Variants in SUN2 observed in about 807,000 individuals in gnomAD.
SUN2 encodes SUN domain-containing protein 2.
A neutral mutation model predicts 100.0 loss-of-function variants in SUN2; 60 were observed. The ratio of observed to expected loss-of-function variants is 0.60; its 90% CI spans 0.49 to 0.74. SUN2 has a LOEUF of 0.74. SUN2 is among the 30% of genes least tolerant of loss of function. SUN2 has a pLI of 0.00. For missense variants in SUN2, 834 were observed against 954.6 expected (o/e 0.87, Z 1.66); for synonymous variants, 367 against 403.3 (o/e 0.91, Z 1.08).
At chr22:38,753,468 G>A (rs1279198077) in intron 1 of SUN2, among the ~76,000 whole-genome samples, 1 of 151,860 alleles carries the variant, frequency 6.6e-6, no homozygotes, top group Admixed American at 6.6e-5. Context: ...TGTCCACCTC[G>A]GCTTCCCAAA....
chr22:38,735,124 A>C lies in SUN2; in HGVS notation c.*1143T>G. 2.5e-6 allele frequency: 1 copy of C among 405,136 alleles called. No individual in the cohort carries two copies. Among genetic ancestry groups the C allele is most frequent in the Non-Finnish European group, 4.8e-6 (1 of 207,444 alleles). The allele number at this position is 405,136 out of a possible 1,614,324, so 25.1% of individuals were successfully genotyped here. On this transcript the variant is annotated 3_prime_UTR_variant, in exon 18 of 18. Coordinates refer to ENST00000689035, the MANE Select transcript of SUN2 (RefSeq NM_015374.3). ...ACCTTGAAAAATATATACATAATAC[A>C]GTGGGGCCTGCTGGCTCTAAAAGTC...
At position 38,737,314 on chromosome 22, in the gene SUN2, G is replaced by A. The variant is rs73157182; in HGVS notation, c.2040+859C>T. ...CCCCTGCTCCACATCAGCCCCCATC[G>A]CAGTGGCTTCTTCCTCCCACCCCAT... is the stretch of plus-strand genomic sequence containing the variant. On this transcript the variant is annotated intron_variant, in intron 17 of 17. Coordinates refer to ENST00000689035, the MANE Select transcript of SUN2 (RefSeq NM_015374.3). The surrounding 1 kb of genome is among the most constrained non-coding windows in gnomAD (Gnocchi z 4.1). Among the ~76,000 whole-genome samples, 2,373 of 151,666 alleles carry A rather than the reference G, an allele frequency of 0.016. 29 individuals are homozygous for A. The highest frequency in any genetic ancestry group is 0.027 in the Non-Finnish European group (1,806 of 67,908).
intron 8 of SUN2, 54 bp from the exon 9 acceptor site, chr22:38,742,609 T>C: frequency 6.4e-7 from 1 of 1,557,362 alleles, no homozygotes; most frequent in Non-Finnish European, 8.7e-7. Flanking sequence ...TGATAGTGCT[T>C]CCCAAAGACC....
At position 38,750,907 on chromosome 22, in the gene SUN2, C is replaced by T. The variant is rs764864329; in HGVS notation, c.415G>A (p.Asp139Asn). ...GSSSGYSSEDDYVGYSDVDQQ... is the reference protein window; with the variant it reads ...GSSSGYSSEDNYVGYSDVDQQ... ...AGGAAGCATCGCCTACCCACGTAGT[C>T]GTCCTCAGAGGAGTAGCCCGAGGAA... The change falls in exon 4 of 18, where the codon GAC becomes AAC. Residue 139 changes from aspartate to asparagine, a missense_variant. Physicochemically the swap from Asp to Asn is conservative, Grantham distance 23 (BLOSUM62 1). Transcript: ENST00000689035. The T allele has an allele frequency of 3.1e-6, 5 of 1,613,928 alleles. No homozygotes were observed. In the South Asian group the frequency reaches 3.3e-5, roughly 11 times the overall value.
chr22:38,751,423 G>A, intron 2 of SUN2, 50 bp from the exon 3 acceptor site: 1 of 1,599,676 alleles, frequency 6.3e-7, no homozygotes, highest in Non-Finnish European at 8.5e-7. Flanking sequence ...GGTGAGCCCA[G>A]CCAGGAGCAT....
Position 38,739,554 on chromosome 22 carries a change from G to T in SUN2, c.1579-128C>A. On this transcript the variant is annotated intron_variant, in intron 13 of 17. Coordinates refer to ENST00000689035, the MANE Select transcript of SUN2 (RefSeq NM_015374.3). The surrounding 1 kb of genome is among the most constrained non-coding windows in gnomAD (Gnocchi z 6.7). ...CTTGCACTGTGCTGGTGCCCAGGCAGATGTGGGCACACTGCCACCCACCCA... is the reference window on the plus strand; with the variant it reads ...CTTGCACTGTGCTGGTGCCCAGGCATATGTGGGCACACTGCCACCCACCCA... The T allele has an allele frequency of 6.8e-6, 9 of 1,314,158 alleles. No homozygotes were observed. The highest frequency in any genetic ancestry group is 9.6e-6 in the Non-Finnish European group (9 of 933,374). The allele number at this position is 1,314,158 out of a possible 1,614,324, so 81.4% of individuals were successfully genotyped here.
At chr22:38,742,257 A>G (rs770080478) in intron 9 of SUN2, 44 bp downstream of exon 9, 6 of 1,546,078 alleles carry the variant, frequency 3.9e-6, no homozygotes, top group South Asian at 2.4e-5. Flanking sequence ...ACGCTTTCCT[A>G]TGGGTGTCAC....
intron 7 of SUN2, among the ~76,000 whole-genome samples, chr22:38,746,481 C>G (rs1269413246): frequency 6.6e-6 from 1 of 152,164 alleles, no homozygotes; most frequent in Non-Finnish European, 1.5e-5. Flanking sequence ...TGATAAAGCT[C>G]CATTCGCTAC....
chr22:38,755,168 T>C lies in SUN2; in HGVS notation c.-38+595A>G. The C allele has an allele frequency of 1.8e-6, 2 of 1,109,484 alleles. No individual in the cohort carries two copies. The highest frequency in any genetic ancestry group is 1.6e-5 in the South Asian group (1 of 62,304). 68.7% of individuals were successfully genotyped at this position (1,109,484 alleles called of 1,614,324 possible). A position where few individuals can be genotyped will look rare whatever the true frequency, so the allele number is the denominator to read the frequency against. ...TTAAACCAGATCTGGGGCATCTTCCTCGTGACATTTCCACTCCCTGGGCAC... is the reference window on the plus strand; with the variant it reads ...TTAAACCAGATCTGGGGCATCTTCCCCGTGACATTTCCACTCCCTGGGCAC... On this transcript the variant is annotated intron_variant, in intron 1 of 17. Transcript: ENST00000689035. This position sits in a 1 kb window ranked among gnomAD's most constrained non-coding sequence, Gnocchi z 5.7.
At position 38,738,360 on chromosome 22, in the gene SUN2, CA is replaced by C; in HGVS notation, c.1948-96del. 1 of 1,217,528 alleles carries C rather than the reference CA, an allele frequency of 8.2e-7. No individual in the cohort carries two copies. The highest frequency in any genetic ancestry group is 1.5e-5 in the African/African-American group (1 of 66,552). The allele number at this position is 1,217,528 out of a possible 1,614,324, so 75.4% of individuals were successfully genotyped here. A position where few individuals can be genotyped will look rare whatever the true frequency, so the allele number is the denominator to read the frequency against. On this transcript the variant is annotated intron_variant, in intron 16 of 17. Transcript: ENST00000689035. The surrounding 1 kb of genome is among the most constrained non-coding windows in gnomAD (Gnocchi z 6.6). ...TGCTCCTCCCACCCAGCAGGTCAGG[CA>C]CCAGAGTGGCCTATGACAAGTCACT... is the stretch of plus-strand genomic sequence containing the variant.
intron 6 of SUN2, among the ~76,000 whole-genome samples, 200 bp downstream of exon 6, chr22:38,749,566 G>A (rs538276801): frequency 6.6e-6 from 1 of 152,262 alleles, no homozygotes; most frequent in East Asian, 1.9e-4. Context: ...CTATCAATTC[G>A]GGGAGAAGAA....
Position 38,740,806 on chromosome 22 carries a change from GGACCCCCCT to G in SUN2, c.1190+192_1190+200del. 1.6e-6 allele frequency: 1 copy of G among 620,786 alleles called. No individual in the cohort carries two copies. The allele number at this position is 620,786 out of a possible 1,614,324, so 38.5% of individuals were successfully genotyped here. On this transcript the variant is annotated intron_variant, in intron 11 of 17. Transcript: ENST00000689035. This position sits in a 1 kb window ranked among gnomAD's most constrained non-coding sequence, Gnocchi z 4.8. ...TCACACAGCCTGCCCCCCGCCCTCA[GGACCCCCCT>G]GCTAACCTCCATGGCACCTCAAAGA...
In SUN2 at chr22:38,734,945, T is replaced by C. The variant is rs2092788904; in HGVS notation, c.*1322A>G. Reference sequence around the variant, plus strand: ...TGCTGCAGTGAAGGCCTGCCCGCCTTCTTGCCCCTTCCCCGCAGCCAGACC... The same window carrying C: ...TGCTGCAGTGAAGGCCTGCCCGCCTCCTTGCCCCTTCCCCGCAGCCAGACC... On this transcript the variant is annotated 3_prime_UTR_variant, in exon 18 of 18. Transcript: ENST00000689035. 1.1e-5 allele frequency: 3 copies of C among 279,350 alleles called. No homozygotes were observed. The highest frequency in any genetic ancestry group is 3.2e-5 in the South Asian group (1 of 31,742). The allele number at this position is 279,350 out of a possible 1,614,324, so 17.3% of individuals were successfully genotyped here.
chr22:38,744,894 C>T (rs2092890388), intron 8 of SUN2, among the ~76,000 whole-genome samples: 1 of 152,202 alleles, frequency 6.6e-6, no homozygotes, highest in African/African-American at 2.4e-5. Context: ...ACAGCCTGGG[C>T]CTGATTCATC....
chr22:38,740,288 C>G lies in SUN2; in HGVS notation c.1335G>C (p.Gln445His). 2 of 1,600,908 alleles carry G rather than the reference C, an allele frequency of 1.2e-6. No individual in the cohort carries two copies. The highest frequency in any genetic ancestry group is 1.1e-5 in the South Asian group (1 of 89,316). The change falls in exon 12 of 18, where the codon CAG becomes CAC. Residue 445 changes from glutamine to histidine, a missense_variant. Coordinates refer to ENST00000689035, the MANE Select transcript of SUN2 (RefSeq NM_015374.3). The surrounding 1 kb of genome is among the most constrained non-coding windows in gnomAD (Gnocchi z 4.8). The part of the protein sequence containing the change: ...VAEEVGLLPQ[Q>H]IQAVRDDVES... Reference sequence around the variant, plus strand: ...TCACGTCGTCCCGCACGGCCTGGATCTGCTGGGGCAGCAGGCCCACTTCTT... The same window carrying G: ...TCACGTCGTCCCGCACGGCCTGGATGTGCTGGGGCAGCAGGCCCACTTCTT...
intron 4 of SUN2, 75 bp downstream of exon 4, chr22:38,750,822 CG>C (rs1051316616): frequency 1.9e-6 from 3 of 1,586,160 alleles, no homozygotes; most frequent in Non-Finnish European, 2.6e-6. Context: ...TCCAGCTCCC[CG>C]GGGCTCCCTG....
In SUN2 at chr22:38,738,328, C is replaced by A; in HGVS notation, c.1948-63G>T. The stretch of plus-strand genomic sequence containing the variant: ...GCAGGGAGAACACCCCTCCCCACTC[C>A]AATCCCTGCTCCTCCCACCCAGCAG... On this transcript the variant is annotated intron_variant, in intron 16 of 17. Coordinates refer to ENST00000689035, the MANE Select transcript of SUN2 (RefSeq NM_015374.3). This position sits in a 1 kb window ranked among gnomAD's most constrained non-coding sequence, Gnocchi z 6.6. 1 of 1,415,386 alleles carries A rather than the reference C, an allele frequency of 7.1e-7. No homozygotes were observed. Among genetic ancestry groups the A allele is most frequent in the Non-Finnish European group, 9.9e-7 (1 of 1,012,594 alleles). 87.7% of individuals were successfully genotyped at this position (1,415,386 alleles called of 1,614,324 possible). A position where few individuals can be genotyped will look rare whatever the true frequency, so the allele number is the denominator to read the frequency against.
chr22:38,738,323 C>A lies in SUN2; in HGVS notation c.1948-58G>T. The A allele has an allele frequency of 1.4e-6, 2 of 1,440,194 alleles. No homozygotes were observed. Among genetic ancestry groups the A allele is most frequent in the Non-Finnish European group, 1.9e-6 (2 of 1,033,846 alleles). 89.2% of individuals were successfully genotyped at this position (1,440,194 alleles called of 1,614,324 possible). ...CTGGAGCAGGGAGAACACCCCTCCCCACTCCAATCCCTGCTCCTCCCACCC... is the reference window on the plus strand; with the variant it reads ...CTGGAGCAGGGAGAACACCCCTCCCAACTCCAATCCCTGCTCCTCCCACCC... On this transcript the variant is annotated intron_variant, in intron 16 of 17. Coordinates refer to ENST00000689035, the MANE Select transcript of SUN2 (RefSeq NM_015374.3). This position sits in a 1 kb window ranked among gnomAD's most constrained non-coding sequence, Gnocchi z 6.6.
chr22:38,739,111 C>G lies in SUN2; in HGVS notation c.1664-123G>C. 9.5e-7 allele frequency: 1 copy of G among 1,054,372 alleles called. No homozygotes were observed. The highest frequency in any genetic ancestry group is 1.4e-5 in the South Asian group (1 of 71,222). 65.3% of individuals were successfully genotyped at this position (1,054,372 alleles called of 1,614,324 possible). Reference sequence around the variant, plus strand: ...CCCAGGCCTAGCCTTTAACCCTAACCGAGATGCTCAGAGCAGCTTTAAAGG... The same window carrying G: ...CCCAGGCCTAGCCTTTAACCCTAACGGAGATGCTCAGAGCAGCTTTAAAGG... On this transcript the variant is annotated intron_variant, in intron 14 of 17. Transcript: ENST00000689035. This position sits in a 1 kb window ranked among gnomAD's most constrained non-coding sequence, Gnocchi z 6.7.
Sources: gnomAD v4.1 joint callset for allele counts (sites outside exome capture counted in the v4.1 genomes callset) on GRCh38, gnomAD v4.1.1 for gene constraint, Gnocchi (gnomAD v3.1) non-coding constraint, MANE v1.5 for transcripts, NCBI Gene and HGNC (gene_info 2026-07-23, HGNC 2026-07-21) for gene names.